PPM1L: variants seen among roughly 807,000 people sequenced by gnomAD.
The protein encoded by PPM1L is protein phosphatase, Mg2+/Mn2+ dependent 1L.
Under a neutral mutation model 31.4 loss-of-function variants are expected in PPM1L, and 13 were observed. That is an observed-to-expected ratio of 0.41 (90% CI 0.27 to 0.66). The LOEUF (loss-of-function observed/expected upper bound fraction) is 0.66. Ranked by LOEUF, PPM1L falls within the 30% of genes least tolerant of loss-of-function variation. The pLI, the probability that PPM1L is intolerant of heterozygous loss-of-function variation, is 0.29. For missense variants in PPM1L, 326 were observed against 453.7 expected (o/e 0.72, Z 2.56); for synonymous variants, 184 against 175.4 (o/e 1.05, Z -0.39).
At chr3:160,787,690 T>A (rs1164741956) in intron 1 of PPM1L, among the ~76,000 whole-genome samples, 1 of 152,214 alleles carries the variant, frequency 6.6e-6, no homozygotes, top group Non-Finnish European at 1.5e-5. Flanking sequence ...ATGTCCAGAA[T>A]GGTATTTCCT....
In PPM1L at chr3:160,842,453, A is replaced by G. The variant is rs1425597000; in HGVS notation, c.399+85746A>G. ...TCTGTAGAAAATGGATGAACAGTGA[A>G]GGTTCTTAGCCAGGAATAAGAAGAA... On this transcript the variant is annotated intron_variant, in intron 1 of 3. Coordinates refer to ENST00000498165, the MANE Select transcript of PPM1L (RefSeq NM_139245.4). Among the ~76,000 whole-genome samples, 3 of 152,186 alleles carry G rather than the reference A, an allele frequency of 2.0e-5. No individual in the cohort carries two copies. The South Asian group carries it at 6.2e-4, about 31-fold the overall frequency.
intron 1 of PPM1L, among the ~76,000 whole-genome samples, chr3:160,951,862 C>T (rs1456889535): frequency 2.0e-5 from 3 of 152,138 alleles, no homozygotes; most frequent in African/African-American, 7.2e-5. Context: ...CTGTGGTAGT[C>T]GCTTTACCAC....
At chr3:160,871,994 A>G (rs1316828142) in intron 1 of PPM1L, among the ~76,000 whole-genome samples, 1 of 152,132 alleles carries the variant, frequency 6.6e-6, no homozygotes, top group Non-Finnish European at 1.5e-5. Context: ...AAGCTGTGTT[A>G]TGTGCAACAC....
At chr3:160,906,607 A>AAAAG (rs765313978) in intron 1 of PPM1L, among the ~76,000 whole-genome samples, 3 of 124,340 alleles carry the variant, frequency 2.4e-5, no homozygotes, top group African/African-American at 8.5e-5. Context: ...TCTCATAAAG[A>AAAAG]AAAGAAAAGA....
intron 2 of PPM1L, chr3:161,022,239 G>T (rs939364019): frequency 1.6e-6 from 1 of 611,660 alleles, no homozygotes; most frequent in Non-Finnish European, 2.9e-6. Context: ...AACTAATTTC[G>T]ATTTTAAACA....
chr3:160,855,656 G>A lies in PPM1L; in HGVS notation c.399+98949G>A, dbSNP rs142104378. Among the ~76,000 whole-genome samples the A allele has an allele frequency of 2.2e-3, 336 of 152,210 alleles. 2 individuals are homozygous for A. Among genetic ancestry groups the A allele is most frequent in the African/African-American group, 7.7e-3 (320 of 41,538 alleles). ...TAATCAGATACAAATCAAAACCACA[G>A]TGCGATACCATTTCACACAAGTCAG... On this transcript the variant is annotated intron_variant, in intron 1 of 3. Transcript: ENST00000498165.
At chr3:160,771,904 G>C (rs1159618856) in intron 1 of PPM1L, among the ~76,000 whole-genome samples, 1 of 151,752 alleles carries the variant, frequency 6.6e-6, no homozygotes, top group Non-Finnish European at 1.5e-5. Context: ...AAACCTTGGA[G>C]GATTTTATTC....
intron 2 of PPM1L, among the ~76,000 whole-genome samples, chr3:160,975,413 A>C (rs1000113695): frequency 1.3e-5 from 2 of 152,086 alleles, no homozygotes; most frequent in Non-Finnish European, 2.9e-5. Flanking sequence ...TGTGAAGAAA[A>C]TCATCGGTAG....
At position 161,078,254 on chromosome 3, in the gene PPM1L, A is replaced by G. The variant is rs1466205298; in HGVS notation, c.*9097A>G. 2.6e-5 allele frequency: 4 copies of G among 152,198 alleles called. No homozygotes were observed. Among genetic ancestry groups the G allele is most frequent in the Non-Finnish European group, 5.9e-5 (4 of 68,038 alleles). The allele number at this position is 152,198 out of a possible 1,614,324, so 9.4% of individuals were successfully genotyped here. Reference sequence around the variant, plus strand: ...AAAAAAAGTAGTGTTTTTTTGGGGAACAGTATAATGTCTCAGAAGTTCTTC... The same window carrying G: ...AAAAAAAGTAGTGTTTTTTTGGGGAGCAGTATAATGTCTCAGAAGTTCTTC... On this transcript the variant is annotated 3_prime_UTR_variant, in exon 4 of 4. Coordinates refer to ENST00000498165, the MANE Select transcript of PPM1L (RefSeq NM_139245.4).
chr3:161,019,362 T>G (rs1457124480), intron 2 of PPM1L, among the ~76,000 whole-genome samples: 1 of 151,684 alleles, frequency 6.6e-6, no homozygotes, highest in Non-Finnish European at 1.5e-5. Flanking sequence ...CCTGGCTGAT[T>G]TAAAAAATTT....
At chr3:160,785,570 C>A (rs1298208558) in intron 1 of PPM1L, among the ~76,000 whole-genome samples, 2 of 152,106 alleles carry the variant, frequency 1.3e-5, no homozygotes, top group East Asian at 3.9e-4. Context: ...TAGGCATGTG[C>A]AAATATATCT....
At chr3:160,786,791 A>C (rs1393037920) in intron 1 of PPM1L, among the ~76,000 whole-genome samples, 1 of 151,994 alleles carries the variant, frequency 6.6e-6, no homozygotes, top group Non-Finnish European at 1.5e-5. Context: ...TCGTTATCTT[A>C]TTAGTGTCCA....
chr3:161,006,527 A>G (rs1036482564), intron 2 of PPM1L, among the ~76,000 whole-genome samples: 1 of 152,174 alleles, frequency 6.6e-6, no homozygotes, highest in Admixed American at 6.5e-5. Flanking sequence ...AAAGATAAAA[A>G]AGTTTTTTTT....
At chr3:160,878,045 A>G (rs1712577408) in intron 1 of PPM1L, among the ~76,000 whole-genome samples, 1 of 152,222 alleles carries the variant, frequency 6.6e-6, no homozygotes, top group Admixed American at 6.5e-5. Context: ...GCTTTTCATT[A>G]AAAGGGAAAC....
In PPM1L at chr3:160,796,865, C is replaced by T. The variant is rs1712264072; in HGVS notation, c.399+40158C>T. Among the ~76,000 whole-genome samples, 3 of 152,184 alleles carry T rather than the reference C, an allele frequency of 2.0e-5. No homozygotes were observed. The South Asian group carries it at 6.2e-4, about 32-fold the overall frequency. ...AATGTAGCTCCTGTTCTTTCACTCT[C>T]CCTTCCTGCCTGTCTTTCCCTCACT... On this transcript the variant is annotated intron_variant, in intron 1 of 3. Coordinates refer to ENST00000498165, the MANE Select transcript of PPM1L (RefSeq NM_139245.4).
At chr3:161,007,732 A>G in intron 2 of PPM1L, among the ~76,000 whole-genome samples, 1 of 152,120 alleles carries the variant, frequency 6.6e-6, no homozygotes, top group South Asian at 2.1e-4. Context: ...TGTGTGGCCC[A>G]GGGAAGCCAA....
chr3:160,774,843 T>C (rs1711527597), intron 1 of PPM1L, among the ~76,000 whole-genome samples: 1 of 152,224 alleles, frequency 6.6e-6, no homozygotes, highest in South Asian at 2.1e-4. Flanking sequence ...TTTTGTGTTA[T>C]TGTTTGTTTT....
chr3:160,929,242 C>A (rs1714703143), intron 1 of PPM1L, among the ~76,000 whole-genome samples: 1 of 152,062 alleles, frequency 6.6e-6, no homozygotes, highest in African/African-American at 2.4e-5. Context: ...TTGGGTGGTC[C>A]TATGATTTTT....
At chr3:161,026,828 A>G (rs1413685754) in intron 2 of PPM1L, among the ~76,000 whole-genome samples, 2 of 152,206 alleles carry the variant, frequency 1.3e-5, no homozygotes, top group Admixed American at 1.3e-4. Context: ...GTGAACAAGA[A>G]CAATTCACAT....
Sources: allele counts gnomAD v4.1 joint callset (sites outside exome capture counted in the v4.1 genomes callset), GRCh38; gene constraint gnomAD v4.1.1; transcripts MANE v1.5; gene names NCBI Gene and HGNC (gene_info 2026-07-23, HGNC 2026-07-21).